The following PDE11A variants were observed in gnomAD, a reference collection of about 807,000 sequenced individuals.
The protein encoded by PDE11A is dual 3',5'-cyclic-AMP and -GMP phosphodiesterase 11A.
PDE11A carries 100 observed loss-of-function variants against 100.5 expected under a neutral mutation model. That is an observed-to-expected ratio of 1.00 (90% CI 0.85 to 1.18). The LOEUF is 1.18. Ranked by LOEUF, PDE11A falls within the 50% of genes most tolerant of loss-of-function variation. The probability of loss-of-function intolerance (pLI) is 0.00; values close to 1 mark genes in which losing one functional copy is unlikely to be tolerated. For missense variants in PDE11A, 1,141 were observed against 1,152.6 expected (o/e 0.99, Z 0.15); for synonymous variants, 381 against 420.8 (o/e 0.91, Z 1.16).
At chr2:177,662,752 T>G (rs150827990) in intron 19 of PDE11A, among the ~76,000 whole-genome samples, 379 of 152,360 alleles carry the variant, frequency 2.5e-3, no homozygotes, top group African/African-American at 8.8e-3. Context: ...GTATCATGTA[T>G]TTAATGGCTA....
chr2:177,843,549 A>G (rs1355548789), intron 5 of PDE11A, among the ~76,000 whole-genome samples: 5 of 152,204 alleles, frequency 3.3e-5, no homozygotes, highest in Non-Finnish European at 7.3e-5. Flanking sequence ...CTTACTGAGC[A>G]GGGGCTCCTG....
chr2:177,694,240 G>A (rs1465785204), intron 15 of PDE11A, among the ~76,000 whole-genome samples: 1 of 152,168 alleles, frequency 6.6e-6, no homozygotes, highest in Non-Finnish European at 1.5e-5. Context: ...CCCTAACAGA[G>A]CTTGATAAAT....
At chr2:178,063,246 G>C (rs1408269499) in intron 1 of PDE11A, among the ~76,000 whole-genome samples, 1 of 152,128 alleles carries the variant, frequency 6.6e-6, no homozygotes, top group Non-Finnish European at 1.5e-5. Context: ...TCTAAATCCT[G>C]ACAGCATAAT....
At chr2:178,027,315 T>C (rs2086490283) in intron 1 of PDE11A, among the ~76,000 whole-genome samples, 1 of 152,188 alleles carries the variant, frequency 6.6e-6, no homozygotes, top group Non-Finnish European at 1.5e-5. Context: ...TAAGTGGTTT[T>C]ATTATGACAT....
At chr2:177,733,127 A>G (rs753258994) in intron 10 of PDE11A, among the ~76,000 whole-genome samples, 4 of 152,246 alleles carry the variant, frequency 2.6e-5, no homozygotes, top group Non-Finnish European at 4.4e-5. Context: ...CTCTAGCCAT[A>G]GGATATTAAC....
Position 178,091,245 on chromosome 2 carries a change from A to AT in PDE11A, c.162+13056dup, listed in dbSNP as rs543179256. ...ACCATCATGGACACCTAATTTTTGT[A>AT]TTTTTTGCAGAGATAGGGTTTCACC... On this transcript the variant is annotated intron_variant, in intron 2 of 20. Coordinates refer to the PDE11A transcript ENST00000358450. 3.0e-4 allele frequency among the ~76,000 whole-genome samples: 45 copies of AT among 151,836 alleles called. No individual in the cohort carries two copies. In the East Asian group the frequency reaches 8.7e-3, roughly 30 times the overall value.
intron 1 of PDE11A, among the ~76,000 whole-genome samples, chr2:178,021,873 T>C (rs2086417693): frequency 6.6e-6 from 1 of 152,292 alleles, no homozygotes; most frequent in Non-Finnish European, 1.5e-5. Flanking sequence ...CAATAAACGC[T>C]GGTTAATTTG....
At chr2:177,866,270 G>A (rs1198218164) in intron 5 of PDE11A, among the ~76,000 whole-genome samples, 7 of 152,122 alleles carry the variant, frequency 4.6e-5, no homozygotes, top group Admixed American at 2.6e-4. Flanking sequence ...GCTGTTCCCC[G>A]TCAATGACTG....
intron 1 of PDE11A, among the ~76,000 whole-genome samples, chr2:178,021,419 T>G (rs1465926349): frequency 1.3e-5 from 2 of 152,208 alleles, no homozygotes; most frequent in African/African-American, 2.4e-5. Context: ...GATACAATTA[T>G]GTACTTTCTT....
At chr2:178,042,661 T>G (rs2086698997) in intron 1 of PDE11A, among the ~76,000 whole-genome samples, 3 of 152,144 alleles carry the variant, frequency 2.0e-5, no homozygotes. Flanking sequence ...CTATTTTACA[T>G]GATGGAGTTT....
intron 10 of PDE11A, among the ~76,000 whole-genome samples, chr2:177,767,687 G>T (rs1243135732): frequency 6.6e-6 from 1 of 151,812 alleles, no homozygotes; most frequent in Non-Finnish European, 1.5e-5. Flanking sequence ...TATTATCACC[G>T]TTTTAAAATT....
intron 12 of PDE11A, among the ~76,000 whole-genome samples, chr2:177,722,239 C>T (rs1254085133): frequency 6.6e-6 from 1 of 152,186 alleles, no homozygotes; most frequent in African/African-American, 2.4e-5. Context: ...TTCCCTGTAA[C>T]GTCGGACATG....
In PDE11A at chr2:177,971,551, T is replaced by C. The variant is rs2085770384; in HGVS notation, c.1071+42751A>G. ...AAACTAATACTAAACTAAACTGAAA[T>C]AACTGACTAAAACATAGATCTGTTC... On this transcript the variant is annotated intron_variant, in intron 2 of 19. Coordinates refer to ENST00000286063, the MANE Select transcript of PDE11A (RefSeq NM_016953.4). 4.6e-5 allele frequency among the ~76,000 whole-genome samples: 7 copies of C among 152,176 alleles called. No individual in the cohort carries two copies. The South Asian group carries it at 1.2e-3, about 27-fold the overall frequency.
rs142512444 is a variant in PDE11A, at chr2:177,860,282, T to A, written c.1367+15577A>T. 1.7e-4 allele frequency among the ~76,000 whole-genome samples: 26 copies of A among 151,568 alleles called. No individual in the cohort carries two copies. In the East Asian group the frequency reaches 4.8e-3, roughly 28 times the overall value. ...TAAGAAACGAAAGAGGGGCTTTAAC[T>A]ACTAACTTTGTAGAAATAAGATTAT... On this transcript the variant is annotated intron_variant, in intron 5 of 19. Transcript: ENST00000286063.
chr2:177,981,326 C>T (rs1334460499), intron 2 of PDE11A, among the ~76,000 whole-genome samples: 1 of 150,578 alleles, frequency 6.6e-6, no homozygotes, highest in Non-Finnish European at 1.5e-5. Context: ...TATTGTCTCA[C>T]AGTTCTGGAG....
chr2:177,635,367 A>G (rs1390699577), intron 19 of PDE11A, among the ~76,000 whole-genome samples: 1 of 152,114 alleles, frequency 6.6e-6, no homozygotes, highest in Non-Finnish European at 1.5e-5. Flanking sequence ...TTTTGACATC[A>G]CTGGGGCCCC....
intron 2 of PDE11A, among the ~76,000 whole-genome samples, chr2:177,939,369 G>A: frequency 6.9e-6 from 1 of 144,220 alleles, no homozygotes; most frequent in African/African-American, 2.7e-5. Flanking sequence ...GGGAGAGAGT[G>A]AGGAAGGGAG....
Position 178,014,431 on chromosome 2 carries a change from C to T in PDE11A, c.942G>A (p.Lys314=), listed in dbSNP as rs761763225. The part of the protein sequence containing the change: ...QDRRFNDEID[K]LTGYKTKSLL... ...ATGATTTTGTCTTGTATCCAGTTAG[C>T]TTGTCGATTTCATCATTGAATCGTC... Residue 314 remains lysine (K), a synonymous_variant, in exon 2 of 20, where the codon AAG becomes AAA. Coordinates refer to ENST00000286063, the MANE Select transcript of PDE11A (RefSeq NM_016953.4). The T allele has an allele frequency of 4.3e-6, 7 of 1,613,136 alleles. No individual in the cohort carries two copies. The East Asian group carries it at 1.3e-4, about 31-fold the overall frequency.
rs565459955 is a variant in PDE11A at position 178,096,455 on chromosome 2, G to A, written c.162+7847C>T. 6.6e-5 allele frequency among the ~76,000 whole-genome samples: 10 copies of A among 151,906 alleles called. 1 individual carries two copies. In the Middle Eastern group the frequency reaches 0.014, roughly 207 times the overall value. The stretch of plus-strand genomic sequence containing the variant: ...CCCAAAGTGCTGGGATTACAGGCCT[G>A]AGCCACTGCGCCTGGCCCACGTTTT... On this transcript the variant is annotated intron_variant, in intron 2 of 20. Transcript: ENST00000358450.
Sources: allele counts gnomAD v4.1 joint callset (sites outside exome capture counted in the v4.1 genomes callset), GRCh38; gene constraint gnomAD v4.1.1; transcripts MANE v1.5; gene names NCBI Gene and HGNC (gene_info 2026-07-23, HGNC 2026-07-21).